The following FAM13B variants were observed in gnomAD, a reference collection of about 807,000 sequenced individuals.
FAM13B encodes protein FAM13B.
FAM13B carries 60 observed loss-of-function variants against 117.3 expected under a neutral mutation model. The observed-to-expected ratio is 0.51, with a 90% confidence interval of 0.42 to 0.63. The LOEUF (loss-of-function observed/expected upper bound fraction) is 0.63. Ranked by LOEUF, FAM13B falls within the 30% of genes least tolerant of loss-of-function variation. The pLI is 0.00. For synonymous variants in FAM13B, 332 were observed against 356.1 expected (o/e 0.93, Z 0.76); for missense variants, 972 against 1,091.9 (o/e 0.89, Z 1.55).
intron 7 of FAM13B, among the ~76,000 whole-genome samples, chr5:137,989,777 C>T (rs1393018102): frequency 2.6e-5 from 4 of 152,016 alleles, no homozygotes; most frequent in Non-Finnish European, 4.4e-5. Flanking sequence ...GAGCTGTGGT[C>T]GTGCCACTGC....
At position 137,986,434 on chromosome 5, in the gene FAM13B, C is replaced by G. The variant is rs1172154041; in HGVS notation, c.1046+1027G>C. On this transcript the variant is annotated intron_variant, in intron 9 of 23. Coordinates refer to ENST00000689681, the MANE Select transcript of FAM13B (RefSeq NM_001385994.1). Reference sequence around the variant, plus strand: ...GTACATTTTTCTCATCTTCCCCCCCCCAAAAAAAATTGATATATGAAAAAC... The same window carrying G: ...GTACATTTTTCTCATCTTCCCCCCCGCAAAAAAAATTGATATATGAAAAAC... Among the ~76,000 whole-genome samples, 8 of 56,604 alleles carry G rather than the reference C, an allele frequency of 1.4e-4. No homozygotes were observed. In the East Asian group the frequency reaches 9.0e-3, roughly 64 times the overall value. The allele number at this position is 56,604 out of a possible 152,430, so 37.1% of individuals were successfully genotyped here.
chr5:138,030,715 C>CG (rs1168928299), intron 1 of FAM13B, among the ~76,000 whole-genome samples: 4 of 141,744 alleles, frequency 2.8e-5, no homozygotes, highest in Non-Finnish European at 3.1e-5. Context: ...ACTCCGTCCC[C>CG]CCCCCCCAAA....
chr5:137,946,988 GC>G, intron 18 of FAM13B, among the ~76,000 whole-genome samples: 1 of 152,244 alleles, frequency 6.6e-6, no homozygotes, highest in Non-Finnish European at 1.5e-5. Flanking sequence ...TCTTCTCACA[GC>G]TTTTAGTAGT....
chr5:138,039,415 G>GACC (rs1350547105), intron 1 of FAM13B: 2 of 151,938 alleles, frequency 1.3e-5, no homozygotes, highest in Non-Finnish European at 2.9e-5. Flanking sequence ...CTAGGCTTTT[G>GACC]AGCCTTCCTA....
chr5:137,955,489 C>T (rs1766245686), intron 14 of FAM13B, among the ~76,000 whole-genome samples: 1 of 105,400 alleles, frequency 9.5e-6, no homozygotes. Flanking sequence ...TATGTTAATA[C>T]ATTTGATGTC....
intron 14 of FAM13B, chr5:137,954,679 G>A (rs1400749051): frequency 6.0e-6 from 1 of 166,278 alleles, no homozygotes; most frequent in South Asian, 1.9e-4. Flanking sequence ...TCAGTGTCAT[G>A]ATGGTGGCTC....
At chr5:138,014,524 A>G (rs988802340) in intron 4 of FAM13B, among the ~76,000 whole-genome samples, 6 of 152,234 alleles carry the variant, frequency 3.9e-5, no homozygotes, top group African/African-American at 1.4e-4. Flanking sequence ...CCTCCTCTCC[A>G]TCAGTGGAAA....
intron 6 of FAM13B, among the ~76,000 whole-genome samples, chr5:138,010,388 T>C (rs147144683): frequency 6.6e-6 from 1 of 152,344 alleles, no homozygotes; most frequent in Non-Finnish European, 1.5e-5. Flanking sequence ...GGAGGACTGC[T>C]TGAGGCCAAG....
At chr5:138,034,428 T>C (rs1790867760), upstream of FAM13B, among the ~76,000 whole-genome samples, 2 of 152,180 alleles carry the variant, frequency 1.3e-5, no homozygotes, top group Non-Finnish European at 1.5e-5. Context: ...GATTCCAAAC[T>C]CAGCTAGTAG....
At position 138,019,017 on chromosome 5, in the gene FAM13B, C is replaced by A; in HGVS notation, c.95G>T (p.Gly32Val). The change falls in exon 3 of 24, where the codon GGA (glycine) becomes GTA (valine). Residue 32 changes from glycine to valine, a missense_variant. Coordinates refer to ENST00000689681, the MANE Select transcript of FAM13B (RefSeq NM_001385994.1). ...GIPLDELQQG[G>V]HPDNEVPFIV... Reference sequence around the variant, plus strand: ...GAATGGAACCTCATTGTCTGGATGTCCTCCCTGCTGCAGCTCATCAAGTGG... The same window carrying A: ...GAATGGAACCTCATTGTCTGGATGTACTCCCTGCTGCAGCTCATCAAGTGG... The A allele has an allele frequency of 6.2e-7, 1 of 1,614,106 alleles. No homozygotes were observed. The highest frequency in any genetic ancestry group is 1.1e-5 in the South Asian group (1 of 91,084).
intron 10 of FAM13B, among the ~76,000 whole-genome samples, chr5:137,979,731 T>C (rs1257519157): frequency 1.3e-5 from 2 of 152,118 alleles, no homozygotes; most frequent in Non-Finnish European, 2.9e-5. Context: ...AAAATCCCCC[T>C]CATTCCAAGA....
At chr5:137,989,902 A>AC (rs59229356) in intron 7 of FAM13B, among the ~76,000 whole-genome samples, 41 of 151,962 alleles carry the variant, frequency 2.7e-4, no homozygotes, top group Non-Finnish European at 5.9e-4. Context: ...GGGGGAAAAA[A>AC]CCCCAAAACA....
intron 12 of FAM13B, 62 bp from the exon 13 acceptor site, chr5:137,959,825 C>T: frequency 1.4e-6 from 2 of 1,479,574 alleles, no homozygotes; most frequent in African/African-American, 1.4e-5. Flanking sequence ...CCAGCTTAAA[C>T]ACATCCAGCA....
chr5:137,990,125 G>C (rs1581188777), intron 7 of FAM13B, among the ~76,000 whole-genome samples: 1 of 152,164 alleles, frequency 6.6e-6, no homozygotes, highest in East Asian at 1.9e-4. Flanking sequence ...ACATTTCGGT[G>C]ATCAGCTGCT....
chr5:137,958,879 A>G (rs1304439248), intron 13 of FAM13B, among the ~76,000 whole-genome samples: 3 of 152,148 alleles, frequency 2.0e-5, no homozygotes, highest in African/African-American at 7.2e-5. Flanking sequence ...TATTTTTTTC[A>G]TGGATTTCAG....
intron 10 of FAM13B, among the ~76,000 whole-genome samples, chr5:137,975,104 C>G (rs954421982): frequency 1.3e-5 from 2 of 152,120 alleles, no homozygotes; most frequent in South Asian, 2.1e-4. Flanking sequence ...GACCTTTACA[C>G]AAAGTTTGCT....
chr5:137,974,576 T>C (rs1049022978), intron 10 of FAM13B, among the ~76,000 whole-genome samples: 21 of 149,296 alleles, frequency 1.4e-4, no homozygotes, highest in African/African-American at 4.9e-4. Context: ...AACCTGCACA[T>C]TGTGCACATG....
chr5:137,945,931 G>A lies in FAM13B; in HGVS notation c.2311C>T (p.Leu771=), dbSNP rs41298974. The A allele has an allele frequency of 3.1e-6, 5 of 1,613,052 alleles. No homozygotes were observed. In the East Asian group the frequency reaches 1.1e-4, roughly 36 times the overall value. ...YDRYRLVKQM[L]TRASITPVLG... is the part of the protein sequence containing the mutation. ...ACAGGAGTGATGCTAGCTCTTGTCAGCATTTGTTTTACAAGCCTGTATCTA... is the reference window on the plus strand; with the variant it reads ...ACAGGAGTGATGCTAGCTCTTGTCAACATTTGTTTTACAAGCCTGTATCTA... The change falls in exon 20 of 24, where the codon CTG becomes TTG. Residue 771 remains leucine (L), a synonymous_variant. Transcript: ENST00000689681.
At chr5:137,967,665 G>T (rs1236280896) in intron 10 of FAM13B, among the ~76,000 whole-genome samples, 6 of 152,144 alleles carry the variant, frequency 3.9e-5, no homozygotes, top group African/African-American at 1.4e-4. Context: ...GGCTGAGGTG[G>T]GAGAATTGCT....
Sources: gnomAD v4.1 joint callset for allele counts (sites outside exome capture counted in the v4.1 genomes callset) on GRCh38, gnomAD v4.1.1 for gene constraint, MANE v1.5 for transcripts, NCBI Gene and HGNC (gene_info 2026-07-23, HGNC 2026-07-21) for gene names.